Variants in FOXP2 observed in about 807,000 individuals in gnomAD.
FOXP2 encodes forkhead box P2.
Under a neutral mutation model 115.8 loss-of-function variants are expected in FOXP2, and 12 were observed. The ratio of observed to expected loss-of-function variants is 0.10; its 90% confidence interval spans 0.07 to 0.17. The LOEUF (loss-of-function observed/expected upper bound fraction) is 0.17. FOXP2 is among the 10% of genes least tolerant of loss of function. The pLI, the probability that FOXP2 is intolerant of heterozygous loss-of-function variation, is 1.00. For missense variants in FOXP2, 629 were observed against 843.5 expected (o/e 0.75, Z 3.15); for synonymous variants, 328 against 297.7 (o/e 1.10, Z -1.05).
Position 114,414,946 on chromosome 7 carries a change from A to C in FOXP2, c.-425A>C. ...TGCACACACACACATACACACACAC[A>C]AAAATGAAGCACTTACTTTAGAAAG... On this transcript the variant is annotated 5_prime_UTR_variant, in exon 1 of 17. Transcript: ENST00000350908. 2.5e-6 allele frequency: 1 copy of C among 405,312 alleles called. No individual in the cohort carries two copies. Among genetic ancestry groups the C allele is most frequent in the Non-Finnish European group, 5.0e-6 (1 of 201,490 alleles). 25.1% of individuals were successfully genotyped at this position (405,312 alleles called of 1,614,324 possible). A position where few individuals can be genotyped will look rare whatever the true frequency, so the allele number is the denominator to read the frequency against.
At chr7:114,688,249 C>CT (rs111370043) in intron 16 of FOXP2, among the ~76,000 whole-genome samples, 17,265 of 116,356 alleles carry the variant, frequency 0.15, 1,647 homozygotes, top group East Asian at 0.37. Context: ...ACACACACAT[C>CT]TTTTTTTTTT....
At chr7:114,410,851 T>C (rs549684678), upstream of FOXP2, among the ~76,000 whole-genome samples, 2 of 151,854 alleles carry the variant, frequency 1.3e-5, no homozygotes, top group Admixed American at 1.3e-4. Context: ...CAGTAGAAAA[T>C]AGTAGATGAA....
At chr7:114,474,487 A>G (rs1005464974) in intron 2 of FOXP2, among the ~76,000 whole-genome samples, 7 of 152,168 alleles carry the variant, frequency 4.6e-5, no homozygotes, top group Admixed American at 3.9e-4. Flanking sequence ...TCATAGAGCT[A>G]TTATTCTCGT....
intron 2 of FOXP2, among the ~76,000 whole-genome samples, chr7:114,468,468 G>A (rs1795906089): frequency 6.6e-6 from 1 of 152,042 alleles, no homozygotes; most frequent in East Asian, 1.9e-4. Context: ...TAATGATTTA[G>A]TGCCAACTTA....
At chr7:114,212,452 A>C (rs1267347393) in intron 1 of FOXP2, among the ~76,000 whole-genome samples, 1 of 151,990 alleles carries the variant, frequency 6.6e-6, no homozygotes, top group Admixed American at 6.6e-5. Flanking sequence ...AGATGAAAAA[A>C]CTGGCTTTGT....
chr7:114,517,164 A>G (rs1057154577), intron 2 of FOXP2, among the ~76,000 whole-genome samples: 2 of 151,846 alleles, frequency 1.3e-5, no homozygotes, highest in Non-Finnish European at 1.5e-5. Context: ...TAAAATGTCT[A>G]TTCAGTTTCT....
chr7:114,457,421 A>T (rs1318382543), intron 2 of FOXP2, among the ~76,000 whole-genome samples: 1 of 152,134 alleles, frequency 6.6e-6, no homozygotes, highest in Non-Finnish European at 1.5e-5. Flanking sequence ...ATTTCCTTTT[A>T]TGAATATCAT....
At chr7:114,470,031 G>A (rs1458250256) in intron 2 of FOXP2, among the ~76,000 whole-genome samples, 1 of 152,068 alleles carries the variant, frequency 6.6e-6, no homozygotes, top group African/African-American at 2.4e-5. Flanking sequence ...AGGTAAAATG[G>A]AAAGAATTTC....
chr7:114,668,679 G>C (rs1429775395), intron 16 of FOXP2: 1 of 152,150 alleles, frequency 6.6e-6, no homozygotes, highest in Non-Finnish European at 1.5e-5. Flanking sequence ...ATGCACGTGT[G>C]TTTATGCATA....
At position 114,522,539 on chromosome 7, in the gene FOXP2, A is replaced by T. The variant is rs1328853928; in HGVS notation, c.169-12078A>T. On this transcript the variant is annotated intron_variant, in intron 2 of 16. Transcript: ENST00000350908. ...ATTTTTATTTATATACATATTTTCT[A>T]CAATCATATTGTAGATAATTCAATA... Among the ~76,000 whole-genome samples the T allele has an allele frequency of 2.6e-5, 4 of 152,322 alleles. No individual in the cohort carries two copies. In the East Asian group the frequency reaches 7.7e-4, roughly 29 times the overall value.
intron 2 of FOXP2, among the ~76,000 whole-genome samples, chr7:114,300,032 ACT>A (rs113288566): frequency 0.021 from 3,081 of 149,178 alleles, 66 homozygotes; most frequent in African/African-American, 0.048. Flanking sequence ...CCTTACACAC[ACT>A]CACACACACA....
chr7:114,409,478 A>G (rs113077019), upstream of FOXP2, among the ~76,000 whole-genome samples: 1,161 of 152,304 alleles, frequency 7.6e-3, 8 homozygotes, highest in Non-Finnish European at 0.011. Context: ...AGAAACTTTT[A>G]AAAAAGCAAG....
chr7:114,488,685 A>T (rs1584798087), intron 2 of FOXP2, among the ~76,000 whole-genome samples: 1 of 152,194 alleles, frequency 6.6e-6, no homozygotes, highest in Non-Finnish European at 1.5e-5. Flanking sequence ...TAATTTAATG[A>T]TAAATTTGGA....
At chr7:114,333,534 T>A (rs1043908233) in intron 2 of FOXP2, among the ~76,000 whole-genome samples, 1 of 152,194 alleles carries the variant, frequency 6.6e-6, no homozygotes, top group Non-Finnish European at 1.5e-5. Flanking sequence ...GGGCCGATCA[T>A]TTGAGACCAG....
intron 3 of FOXP2, among the ~76,000 whole-genome samples, chr7:114,557,051 A>G (rs905875992): frequency 1.2e-4 from 18 of 152,164 alleles, no homozygotes; most frequent in Admixed American, 6.5e-5. Context: ...AATATGTAAA[A>G]TACAGTTTTT....
At chr7:114,584,182 T>G (rs1434132988) in intron 3 of FOXP2, among the ~76,000 whole-genome samples, 1 of 152,188 alleles carries the variant, frequency 6.6e-6, no homozygotes, top group Admixed American at 6.6e-5. Flanking sequence ...GATCTGACTT[T>G]TACATCACAC....
chr7:114,657,731 T>TG (rs1307273639), intron 10 of FOXP2, among the ~76,000 whole-genome samples: 2 of 152,154 alleles, frequency 1.3e-5, no homozygotes, highest in Non-Finnish European at 2.9e-5. Context: ...GTTGCTTCAC[T>TG]GGGGGCTAGA....
chr7:114,531,148 C>T (rs1799123535), intron 2 of FOXP2, among the ~76,000 whole-genome samples: 1 of 151,722 alleles, frequency 6.6e-6, no homozygotes, highest in Non-Finnish European at 1.5e-5. Flanking sequence ...GAAACAGACT[C>T]AATCATTGTG....
intron 16 of FOXP2, chr7:114,669,903 C>T (rs1807401401): frequency 6.6e-6 from 1 of 152,006 alleles, no homozygotes; most frequent in Non-Finnish European, 1.5e-5. Flanking sequence ...GCTGTTCTTC[C>T]TCGTATAAAA....
Sources: gnomAD v4.1 joint callset for allele counts (sites outside exome capture counted in the v4.1 genomes callset) on GRCh38, gnomAD v4.1.1 for gene constraint, MANE v1.5 for transcripts, NCBI Gene and HGNC (gene_info 2026-07-23, HGNC 2026-07-21) for gene names.